DNAH14: variants seen among roughly 807,000 people sequenced by gnomAD.
DNAH14 encodes the protein axonemal beta dynein heavy chain 14.
A neutral mutation model predicts 520.9 loss-of-function variants in DNAH14; 478 were observed. That is an observed-to-expected ratio of 0.92 (90% CI 0.85 to 0.99). DNAH14 has a LOEUF of 0.99. Ranked by LOEUF, DNAH14 falls within the 50% of genes least tolerant of loss-of-function variation. The pLI, the probability that DNAH14 is intolerant of heterozygous loss-of-function variation, is 0.00. For synonymous variants in DNAH14, 1,581 were observed against 1,757.2 expected (o/e 0.90, Z 2.51); for missense variants, 4,831 against 5,234.5 (o/e 0.92, Z 2.38).
intron 9 of DNAH14, among the ~76,000 whole-genome samples, chr1:225,006,120 GA>G (rs2064149065): frequency 6.6e-6 from 1 of 152,106 alleles, no homozygotes; most frequent in Non-Finnish European, 1.5e-5. Flanking sequence ...CATAAATTGT[GA>G]AGATTTCATG....
rs1169909831 is a variant in DNAH14, at chr1:225,232,414, G to T, written c.6518+1263G>T. Among the ~76,000 whole-genome samples the T allele has an allele frequency of 6.6e-6, 1 of 151,986 alleles. No individual in the cohort carries two copies. The highest frequency in any genetic ancestry group is 1.5e-5 in the Non-Finnish European group (1 of 67,998). ...TGTCTCTTGGTACTTATATGCAATA[G>T]TCAATCTTTTTAAAACATAATTTAA... On this transcript the variant is annotated intron_variant, in intron 42 of 85. Coordinates refer to ENST00000682510, the MANE Select transcript of DNAH14 (RefSeq NM_001367479.1). The surrounding 1 kb of genome is among the most constrained non-coding windows in gnomAD (Gnocchi z 4.2).
At chr1:225,381,315 A>C in intron 80 of DNAH14, 68 bp from the exon 81 acceptor site, 1 of 1,437,122 alleles carries the variant, frequency 7.0e-7, no homozygotes, top group Non-Finnish European at 9.3e-7. Context: ...TCAAAGCCTA[A>C]GTCCCTCCAT....
chr1:224,987,720 G>A (rs899942705), intron 8 of DNAH14, among the ~76,000 whole-genome samples: 11 of 152,060 alleles, frequency 7.2e-5, no homozygotes, highest in African/African-American at 2.7e-4. Context: ...TCTGCCTCCC[G>A]GGTTCAAGTG....
At chr1:225,380,049 A>G (rs776393219) in intron 79 of DNAH14, 110 bp from the exon 80 acceptor site, 111 of 1,183,646 alleles carry the variant, frequency 9.4e-5, no homozygotes, top group Non-Finnish European at 1.2e-4. Flanking sequence ...GGTATAGAAC[A>G]CTAAACATAT....
intron 35 of DNAH14, among the ~76,000 whole-genome samples, chr1:225,162,446 G>A (rs2149161886): frequency 6.6e-6 from 1 of 152,218 alleles, no homozygotes; most frequent in African/African-American, 2.4e-5. Context: ...ATAGCTCTGA[G>A]GTATAATTTG....
At chr1:225,253,003 T>C (rs2092610667) in intron 44 of DNAH14, among the ~76,000 whole-genome samples, 1 of 152,148 alleles carries the variant, frequency 6.6e-6, no homozygotes, top group East Asian at 1.9e-4. Context: ...ATTTAATAAA[T>C]ACAAATTGAA....
At chr1:225,356,069 A>G (rs2095425332) in intron 73 of DNAH14, among the ~76,000 whole-genome samples, 2 of 152,330 alleles carry the variant, frequency 1.3e-5, no homozygotes, top group African/African-American at 2.4e-5. Flanking sequence ...CATTGTGTGT[A>G]TATATCATGT....
At chr1:225,249,624 C>T (rs929407197) in intron 43 of DNAH14, among the ~76,000 whole-genome samples, 1 of 152,156 alleles carries the variant, frequency 6.6e-6, no homozygotes, top group African/African-American at 2.4e-5. Context: ...ACACCAAATT[C>T]ACCCACTTCA....
intron 17 of DNAH14, 114 bp from the exon 18 acceptor site, chr1:225,079,093 T>A (rs909021181): frequency 8.2e-6 from 8 of 980,806 alleles, no homozygotes; most frequent in Middle Eastern, 6.5e-4. Context: ...TACATGATGT[T>A]TTAATTATTT....
At chr1:225,153,884 T>C (rs2080766224) in intron 34 of DNAH14, 58 bp downstream of exon 34, 2 of 1,341,324 alleles carry the variant, frequency 1.5e-6, no homozygotes, top group Non-Finnish European at 2.1e-6. Flanking sequence ...GGGAAAATAA[T>C]TTGTAGAATT....
chr1:225,123,053 T>C (rs923877451), intron 26 of DNAH14, among the ~76,000 whole-genome samples: 3 of 152,286 alleles, frequency 2.0e-5, no homozygotes, highest in Middle Eastern at 3.4e-3. Flanking sequence ...ACCTATACTG[T>C]TGGTGCACAT....
chr1:225,339,688 C>G (rs1255563847), intron 68 of DNAH14, among the ~76,000 whole-genome samples: 1 of 152,210 alleles, frequency 6.6e-6, no homozygotes, highest in African/African-American at 2.4e-5. Context: ...TTGTAGAGGG[C>G]AGGCTTCAGT....
chr1:225,206,012 A>G lies in DNAH14; in HGVS notation c.6019A>G (p.Thr2007Ala). Residue 2007 changes from threonine to alanine, a missense_variant, in exon 40 of 86, where the codon ACC becomes GCC. Thr to Ala is a moderately conservative substitution (Grantham distance 58). Transcript: ENST00000682510. ...GATTATCCTAGATGGCCCAGTGGAC[A>G]CCTTTTGGGTAGAAAATCTGAACTC... ...QWIILDGPVD[T>A]FWVENLNSVL... is the part of the protein sequence containing the mutation. 6.4e-7 allele frequency: 1 copy of G among 1,551,648 alleles called. No individual in the cohort carries two copies. Among genetic ancestry groups the G allele is most frequent in the Non-Finnish European group, 8.7e-7 (1 of 1,146,846 alleles).
intron 23 of DNAH14, among the ~76,000 whole-genome samples, chr1:225,105,766 G>T (rs998943398): frequency 1.3e-5 from 2 of 151,734 alleles, no homozygotes; most frequent in East Asian, 3.9e-4. Flanking sequence ...CCTTTATTTT[G>T]AGCCTATGTG....
At chr1:224,943,855 A>G (rs1485689154) in intron 1 of DNAH14, among the ~76,000 whole-genome samples, 2 of 152,096 alleles carry the variant, frequency 1.3e-5, no homozygotes, top group African/African-American at 4.8e-5. Flanking sequence ...CTGTGGTCTG[A>G]GAGGTGGTTT....
chr1:225,288,641 T>A (rs1221807118), intron 54 of DNAH14, among the ~76,000 whole-genome samples: 1 of 152,126 alleles, frequency 6.6e-6, no homozygotes, highest in Non-Finnish European at 1.5e-5. Context: ...AGTTTATTTT[T>A]AAAAATAGAC....
intron 15 of DNAH14, 130 bp from the exon 16 acceptor site, chr1:225,050,080 T>C: frequency 4.1e-6 from 3 of 734,938 alleles, no homozygotes; most frequent in South Asian, 3.1e-5. Flanking sequence ...CAGTTATAAA[T>C]ATAGAATATT....
At chr1:224,981,123 C>T (rs2062237492) in intron 8 of DNAH14, among the ~76,000 whole-genome samples, 1 of 152,096 alleles carries the variant, frequency 6.6e-6, no homozygotes, top group African/African-American at 2.4e-5. Flanking sequence ...TCCCTGCATC[C>T]CTGGTATGAA....
rs1357793070 is a variant in DNAH14, at chr1:225,141,013, G to A, written c.4500G>A (p.Glu1500=). The A allele has an allele frequency of 6.5e-7, 1 of 1,543,706 alleles. No individual in the cohort carries two copies. The highest frequency in any genetic ancestry group is 8.8e-7 in the Non-Finnish European group (1 of 1,142,152). The change falls in exon 28 of 86, where the codon GAG becomes GAA. Residue 1500 remains glutamate, a synonymous_variant. Coordinates refer to ENST00000682510, the MANE Select transcript of DNAH14 (RefSeq NM_001367479.1). ...LKNIFNAEDF[E]WTRHLQYKWN... ...ATATCTTCAATGCAGAGGATTTTGA[G>A]TGGACAAGGTAGGTGGATCTAAATT...
Sources: allele counts gnomAD v4.1 joint callset (sites outside exome capture counted in the v4.1 genomes callset), GRCh38; gene constraint gnomAD v4.1.1; non-coding constraint Gnocchi (gnomAD v3.1); transcripts MANE v1.5; gene names NCBI Gene and HGNC (gene_info 2026-07-23, HGNC 2026-07-21).